The following ASTN1 variants were observed in gnomAD, a reference collection of about 807,000 sequenced individuals.
ASTN1 encodes astrotactin-1.
Under a neutral mutation model 140.7 loss-of-function variants are expected in ASTN1, and 41 were observed. The observed-to-expected ratio is 0.29, with a 90% confidence interval of 0.23 to 0.38. The LOEUF (loss-of-function observed/expected upper bound fraction) is 0.38, where lower values mean the gene tolerates loss of function less well. ASTN1 is among the 10% of genes least tolerant of loss of function. The pLI is 1.00. For missense variants in ASTN1, 1,479 were observed against 1,678.8 expected (o/e 0.88, Z 2.08); for synonymous variants, 640 against 652.2 (o/e 0.98, Z 0.29).
intron 16 of ASTN1, among the ~76,000 whole-genome samples, chr1:176,907,681 G>A (rs756653843): frequency 3.3e-5 from 5 of 152,166 alleles, no homozygotes; most frequent in African/African-American, 9.7e-5. Flanking sequence ...AGAAGTTAGA[G>A]AAGAAGGCAA....
At chr1:177,005,410 A>C (rs947413415) in intron 8 of ASTN1, among the ~76,000 whole-genome samples, 51 of 152,234 alleles carry the variant, frequency 3.4e-4, no homozygotes, top group African/African-American at 1.2e-3. Context: ...TATGGAAAGC[A>C]GCATGGAAAT....
intron 7 of ASTN1, among the ~76,000 whole-genome samples, chr1:177,016,444 A>G (rs1314725132): frequency 1.3e-5 from 2 of 152,176 alleles, no homozygotes; most frequent in African/African-American, 2.4e-5. Flanking sequence ...GTACTGAGCT[A>G]TATCTAGAAA....
intron 1 of ASTN1, among the ~76,000 whole-genome samples, chr1:177,098,425 T>A (rs1680137303): frequency 6.6e-6 from 1 of 152,212 alleles, no homozygotes; most frequent in Non-Finnish European, 1.5e-5. Flanking sequence ...TGCCTGACAC[T>A]TAGCAAAGCT....
At chr1:176,888,409 T>C (rs1384199532) in intron 17 of ASTN1, among the ~76,000 whole-genome samples, 1 of 152,152 alleles carries the variant, frequency 6.6e-6, no homozygotes, top group East Asian at 1.9e-4. Context: ...AGGGTGTCCA[T>C]CTCCCTTTAC....
chr1:177,056,269 G>A (rs1182902952), intron 2 of ASTN1, among the ~76,000 whole-genome samples: 1 of 152,170 alleles, frequency 6.6e-6, no homozygotes, highest in Non-Finnish European at 1.5e-5. Context: ...CTCTGGGACT[G>A]TATAATGGCA....
At chr1:177,148,268 A>T (rs1419113412) in intron 1 of ASTN1, among the ~76,000 whole-genome samples, 1 of 152,040 alleles carries the variant, frequency 6.6e-6, no homozygotes, top group Non-Finnish European at 1.5e-5. Flanking sequence ...AATACAAAAA[A>T]TTAGCCGGGC....
At chr1:177,124,116 CTCTT>C (rs763788562) in intron 1 of ASTN1, among the ~76,000 whole-genome samples, 21 of 152,116 alleles carry the variant, frequency 1.4e-4, no homozygotes, top group Non-Finnish European at 2.8e-4. Flanking sequence ...TACCACATTT[CTCTT>C]TCTAAGAAGT....
At chr1:176,929,260 A>G (rs1179823343) in intron 16 of ASTN1, among the ~76,000 whole-genome samples, 2 of 152,212 alleles carry the variant, frequency 1.3e-5, no homozygotes, top group Non-Finnish European at 1.5e-5. Context: ...AGTTCTTGAA[A>G]TGGGGAGATT....
At chr1:176,949,389 T>C in intron 11 of ASTN1, 38 bp from the exon 12 acceptor site, 1 of 1,590,678 alleles carries the variant, frequency 6.3e-7, no homozygotes. Context: ...CGTGGGTGAA[T>C]CGGGGAACTG....
At chr1:176,899,185 T>A (rs1669653968) in intron 16 of ASTN1, among the ~76,000 whole-genome samples, 1 of 152,238 alleles carries the variant, frequency 6.6e-6, no homozygotes, top group South Asian at 2.1e-4. Context: ...TAAATCTGTA[T>A]CCTACAGCAT....
At chr1:176,982,341 G>A (rs1673657060) in intron 8 of ASTN1, among the ~76,000 whole-genome samples, 2 of 152,164 alleles carry the variant, frequency 1.3e-5, no homozygotes, top group African/African-American at 4.8e-5. Context: ...CAGGATGAAG[G>A]GAATGCCTTT....
At chr1:177,084,852 T>C (rs1344382592) in intron 1 of ASTN1, among the ~76,000 whole-genome samples, 1 of 152,132 alleles carries the variant, frequency 6.6e-6, no homozygotes, top group African/African-American at 2.4e-5. Context: ...AAACATAAGC[T>C]TGTGAATTTG....
At chr1:177,086,045 T>G (rs1184817317) in intron 1 of ASTN1, among the ~76,000 whole-genome samples, 1 of 152,160 alleles carries the variant, frequency 6.6e-6, no homozygotes, top group African/African-American at 2.4e-5. Context: ...AGAGCCCATT[T>G]TATGTTCCCT....
At chr1:177,048,585 T>C (rs1364619339) in intron 2 of ASTN1, among the ~76,000 whole-genome samples, 1 of 152,166 alleles carries the variant, frequency 6.6e-6, no homozygotes, top group Non-Finnish European at 1.5e-5. Context: ...GGAGGATAAA[T>C]GTCTCCTTCC....
intron 2 of ASTN1, among the ~76,000 whole-genome samples, chr1:177,059,757 A>G (rs1677993944): frequency 6.6e-6 from 1 of 152,208 alleles, no homozygotes; most frequent in Non-Finnish European, 1.5e-5. Context: ...AAATGCACTC[A>G]GTTTCCCTCA....
chr1:176,968,949 C>T (rs1262776197), intron 8 of ASTN1, among the ~76,000 whole-genome samples: 1 of 152,114 alleles, frequency 6.6e-6, no homozygotes, highest in Non-Finnish European at 1.5e-5. Context: ...CATGGAATGA[C>T]AGTGGAGGGT....
intron 8 of ASTN1, among the ~76,000 whole-genome samples, chr1:177,009,263 G>C (rs1437766304): frequency 6.6e-6 from 1 of 152,170 alleles, no homozygotes; most frequent in Non-Finnish European, 1.5e-5. Flanking sequence ...ATTAGTGAAG[G>C]CTGGTCTCAC....
intron 16 of ASTN1, among the ~76,000 whole-genome samples, chr1:176,927,595 C>A (rs1319877246): frequency 6.6e-6 from 1 of 152,146 alleles, no homozygotes. Context: ...TTTTTACTGG[C>A]TTCTTCTGAA....
intron 16 of ASTN1, among the ~76,000 whole-genome samples, chr1:176,913,485 C>T (rs1670339723): frequency 6.6e-6 from 1 of 152,112 alleles, no homozygotes; most frequent in African/African-American, 2.4e-5. Context: ...ACAAGACTAA[C>T]AAACATGTGA....
Sources: gnomAD v4.1 joint callset for allele counts (sites outside exome capture counted in the v4.1 genomes callset) on GRCh38, gnomAD v4.1.1 for gene constraint, MANE v1.5 for transcripts, NCBI Gene and HGNC (gene_info 2026-07-23, HGNC 2026-07-21) for gene names.